ZKSCAN2: variants seen among roughly 807,000 people sequenced by gnomAD.
The protein encoded by ZKSCAN2 is zinc finger protein with KRAB and SCAN domains 2.
ZKSCAN2 carries 38 observed loss-of-function variants against 90.5 expected under a neutral mutation model. That is an observed-to-expected ratio of 0.42 (90% confidence interval 0.32 to 0.55). The LOEUF (loss-of-function observed/expected upper bound fraction) is 0.55, where lower values mean the gene tolerates loss of function less well. Ranked by LOEUF, ZKSCAN2 falls within the 20% of genes least tolerant of loss-of-function variation. ZKSCAN2 has a pLI of 0.11. For missense variants in ZKSCAN2, 1,167 were observed against 1,202.6 expected, an observed-to-expected ratio of 0.97 and a Z score of 0.44; for synonymous variants, 429 against 421.6, an observed-to-expected ratio of 1.02 and a Z score of -0.22.
chr16:25,246,948 G>A lies in ZKSCAN2; in HGVS notation c.1248C>T (p.Cys416=), dbSNP rs61730234. The change falls in exon 5 of 7, where the codon TGC becomes TGT. Residue 416 remains cysteine, a synonymous_variant. Coordinates refer to ENST00000328086, the MANE Select transcript of ZKSCAN2 (RefSeq NM_001012981.5). Reference sequence around the variant, plus strand: ...AAGCATCCATGTCCTCAAAGAAGGCGCAGGGTTCTAGCATGTGGCCATTTC... The same window carrying A: ...AAGCATCCATGTCCTCAAAGAAGGCACAGGGTTCTAGCATGTGGCCATTTC... ...KVRNGHMLEP[C]AFFEDMDALL... 0.013 allele frequency: 21,382 copies of A among 1,614,166 alleles called. 216 individuals are homozygous for A. The highest frequency in any genetic ancestry group is 0.016 in the Non-Finnish European group (18,398 of 1,180,030).
chr16:25,256,932 G>A lies in ZKSCAN2; in HGVS notation c.196C>T (p.Leu66Phe), dbSNP rs1266723003. 1.2e-6 allele frequency: 2 copies of A among 1,614,220 alleles called. No individual in the cohort carries two copies. Among genetic ancestry groups the A allele is most frequent in the Non-Finnish European group, 1.7e-6 (2 of 1,180,038 alleles). The change falls in exon 1 of 7, where the codon CTC (leucine) becomes TTC (phenylalanine). Residue 66 changes from leucine (L) to phenylalanine (F), a missense_variant. By Grantham distance (22) the Leu-to-Phe change is conservative. Transcript: ENST00000328086. Reference protein sequence around the residue: ...VTGPHEAFSKLWELCCRWLKP... With the variant: ...VTGPHEAFSKFWELCCRWLKP... ...AGCCACCGGCAGCAAAGTTCCCAGAGTTTACTGAAAGCTTCATGGGGTCCA... is the reference window on the plus strand; with the variant it reads ...AGCCACCGGCAGCAAAGTTCCCAGAATTTACTGAAAGCTTCATGGGGTCCA...
chr16:25,255,270 G>A lies in ZKSCAN2; in HGVS notation c.522C>T (p.Ser174=), dbSNP rs1963081306. The part of the protein sequence containing the change: ...PRAVSREEPG[S]LHSGHQEQLN... Reference sequence around the variant, plus strand: ...GCTGTTCCTGGTGTCCTGAGTGGAGGCTTCCAGGTTCCTCCCGAGACACCG... The same window carrying A: ...GCTGTTCCTGGTGTCCTGAGTGGAGACTTCCAGGTTCCTCCCGAGACACCG... The change falls in exon 2 of 7, where the codon AGC becomes AGT. Residue 174 remains serine, a synonymous_variant. Coordinates refer to ENST00000328086, the MANE Select transcript of ZKSCAN2 (RefSeq NM_001012981.5). 1 of 1,613,286 alleles carries A rather than the reference G, an allele frequency of 6.2e-7. No individual in the cohort carries two copies. Among genetic ancestry groups the A allele is most frequent in the African/African-American group, 1.3e-5 (1 of 74,852 alleles).
rs190068000 is a variant in ZKSCAN2 at position 25,250,231 on chromosome 16, C to T, written c.805+1678G>A. Among the ~76,000 whole-genome samples, 66 of 152,258 alleles carry T rather than the reference C, an allele frequency of 4.3e-4. 1 individual carries two copies. In the East Asian group the frequency reaches 0.01, roughly 24 times the overall value. On this transcript the variant is annotated intron_variant, in intron 4 of 6. Coordinates refer to ENST00000328086, the MANE Select transcript of ZKSCAN2 (RefSeq NM_001012981.5). ...GGCTGAGGCAGGAGAATCGCTTGAACCCAGGAGGCAGAGGTTGCAGCGAGC... is the reference window on the plus strand; with the variant it reads ...GGCTGAGGCAGGAGAATCGCTTGAATCCAGGAGGCAGAGGTTGCAGCGAGC...
At chr16:25,246,531 T>C (rs1268233145) in intron 5 of ZKSCAN2, 176 bp downstream of exon 5, 3 of 648,468 alleles carry the variant, frequency 4.6e-6, no homozygotes, top group Middle Eastern at 3.7e-4. Flanking sequence ...TTACTCTGAC[T>C]GCAATGGGGG....
chr16:25,249,123 A>AAGC (rs1962980726), intron 4 of ZKSCAN2, among the ~76,000 whole-genome samples: 1 of 152,164 alleles, frequency 6.6e-6, no homozygotes, highest in African/African-American at 2.4e-5. Context: ...TGGTTACCAG[A>AAGC]AGCTGGGGGA....
Position 25,257,561 on chromosome 16 carries a change from G to A in ZKSCAN2, c.-434C>T, listed in dbSNP as rs1002961973. On this transcript the variant is annotated 5_prime_UTR_variant, in exon 1 of 7. Transcript: ENST00000328086. The stretch of plus-strand genomic sequence containing the variant: ...CCGAGTGGGTGGGGCCGGATGTGCA[G>A]GCCCCGCCCGGCGCCAGGTTCCGGG... The A allele has an allele frequency of 1.6e-5, 15 of 964,862 alleles. No individual in the cohort carries two copies. Among genetic ancestry groups the A allele is most frequent in the Non-Finnish European group, 2.5e-6 (2 of 811,140 alleles). The allele number at this position is 964,862 out of a possible 1,614,324, so 59.8% of individuals were successfully genotyped here.
rs988950462 is a variant in ZKSCAN2 at position 25,243,946 on chromosome 16, C to G, written c.1820G>C (p.Gly607Ala). 9 of 1,614,022 alleles carry G rather than the reference C, an allele frequency of 5.6e-6. No individual in the cohort carries two copies. In the Admixed American group the frequency reaches 1.2e-4, roughly 21 times the overall value. The change falls in exon 6 of 7, where the codon GGG becomes GCG. Residue 607 changes from glycine to alanine, a missense_variant. Transcript: ENST00000328086. ...TTCCTGGGGTTCAACCTCAATACCC[C>G]CTCTTTCTTGCCTTGAAGGTGATGG... ...EVPSPSRQER[G>A]GIEVEPQEPT...
At chr16:25,250,589 G>T (rs1963006344) in intron 4 of ZKSCAN2, among the ~76,000 whole-genome samples, 1 of 152,066 alleles carries the variant, frequency 6.6e-6, no homozygotes, top group Non-Finnish European at 1.5e-5. Context: ...CTTGAAATTT[G>T]CTGAGAGTGT....
chr16:25,252,915 C>A (rs1236482874), intron 3 of ZKSCAN2, 31 bp downstream of exon 3: 1 of 1,578,006 alleles, frequency 6.3e-7, no homozygotes, highest in East Asian at 2.2e-5. Flanking sequence ...GAGACTCCAT[C>A]TCAAAGAAAA....
rs530698997 is a variant in ZKSCAN2 at position 25,257,375 on chromosome 16, T to C, written c.-248A>G. ...AACAAGATGTGACCGCGCAATGTGG[T>C]TTTCCAGAGTGCATCCCTCTTAGTG... On this transcript the variant is annotated 5_prime_UTR_variant, in exon 1 of 7. Coordinates refer to ENST00000328086, the MANE Select transcript of ZKSCAN2 (RefSeq NM_001012981.5). 63 of 1,239,246 alleles carry C rather than the reference T, an allele frequency of 5.1e-5. No individual in the cohort carries two copies. In the African/African-American group the frequency reaches 8.8e-4, roughly 17 times the overall value. The allele number at this position is 1,239,246 out of a possible 1,614,324, so 76.8% of individuals were successfully genotyped here.
chr16:25,246,449 A>G, intron 5 of ZKSCAN2: 2 of 529,228 alleles, frequency 3.8e-6, no homozygotes, highest in Non-Finnish European at 6.8e-6. Context: ...TTCCTTCCAC[A>G]AGGACCCAAA....
rs1169835777 is a variant in ZKSCAN2, at chr16:25,239,153, G to A, written c.*663C>T. 1 of 152,426 alleles carries A rather than the reference G, an allele frequency of 6.6e-6. No individual in the cohort carries two copies. Among genetic ancestry groups the A allele is most frequent in the Non-Finnish European group, 1.5e-5 (1 of 68,092 alleles). The allele number at this position is 152,426 out of a possible 1,614,324, so 9.4% of individuals were successfully genotyped here. On this transcript the variant is annotated 3_prime_UTR_variant, in exon 7 of 7. Transcript: ENST00000328086. ...ATTTAAGTCTTCGGGTACAGAAAAGGATGAGGGGTGATCAATTGCTTCTCA... is the reference window on the plus strand; with the variant it reads ...ATTTAAGTCTTCGGGTACAGAAAAGAATGAGGGGTGATCAATTGCTTCTCA...
In ZKSCAN2 at chr16:25,236,185, A is replaced by G. The variant is rs923414381; in HGVS notation, c.*3631T>C. 3.9e-5 allele frequency: 6 copies of G among 152,238 alleles called. No homozygotes were observed. Among genetic ancestry groups the G allele is most frequent in the African/African-American group, 1.4e-4 (6 of 41,456 alleles). The allele number at this position is 152,238 out of a possible 1,614,324, so 9.4% of individuals were successfully genotyped here. A position where few individuals can be genotyped will look rare whatever the true frequency, so the allele number is the denominator to read the frequency against. The stretch of plus-strand genomic sequence containing the variant: ...AAGTTACTCAGACATTCCTTTAGCC[A>G]GGGCTGCCCCAGCTCCCTCACAGCT... On this transcript the variant is annotated 3_prime_UTR_variant, in exon 7 of 7. Coordinates refer to ENST00000328086, the MANE Select transcript of ZKSCAN2 (RefSeq NM_001012981.5).
Position 25,255,324 on chromosome 16 carries a change from C to A in ZKSCAN2, c.468G>T (p.Gln156His). ...TGGGTTGGGTCTCCACCTGCTCTGG[C>A]TGGAAGTCTGCCACCTCCCACGCTG... ...LGAAWEVADF[Q>H]PEQVETQPRA... The change falls in exon 2 of 7, where the codon CAG becomes CAT. Residue 156 changes from glutamine (Q) to histidine (H), a missense_variant. Gln to His is a conservative substitution (Grantham distance 24). Transcript: ENST00000328086. 2 of 1,613,800 alleles carry A rather than the reference C, an allele frequency of 1.2e-6. No homozygotes were observed.
In ZKSCAN2 at chr16:25,244,289, G is replaced by A. The variant is rs1334349492; in HGVS notation, c.1490-13C>T. The A allele has an allele frequency of 6.2e-7, 1 of 1,606,104 alleles. No individual in the cohort carries two copies. The highest frequency in any genetic ancestry group is 1.1e-5 in the South Asian group (1 of 90,564). ...CCCCAGTGCACGCCTGCCATTTGGG[G>A]ATAAAGTTCACAATGTAACAAAGAA... On this transcript the variant is annotated splice_polypyrimidine_tract_variant and intron_variant, in intron 5 of 6. Coordinates refer to ENST00000328086, the MANE Select transcript of ZKSCAN2 (RefSeq NM_001012981.5).
Position 25,244,355 on chromosome 16 carries a change from T to C in ZKSCAN2, c.1490-79A>G, listed in dbSNP as rs192144827. The stretch of plus-strand genomic sequence containing the variant: ...TCTATACTATATACATTAAGAAATG[T>C]AGAGGTAAAAAAAAATCCCATTCAC... On this transcript the variant is annotated intron_variant, in intron 5 of 6. Coordinates refer to ENST00000328086, the MANE Select transcript of ZKSCAN2 (RefSeq NM_001012981.5). 54 of 1,478,752 alleles carry C rather than the reference T, an allele frequency of 3.7e-5. 1 individual carries two copies. The East Asian group carries it at 1.1e-3, about 29-fold the overall frequency. 91.6% of individuals were successfully genotyped at this position (1,478,752 alleles called of 1,614,324 possible).
Position 25,247,262 on chromosome 16 carries a change from G to C in ZKSCAN2, c.934C>G (p.His312Asp), listed in dbSNP as rs1443972637. 1.2e-6 allele frequency: 2 copies of C among 1,614,044 alleles called. No homozygotes were observed. Among genetic ancestry groups the C allele is most frequent in the Non-Finnish European group, 1.7e-6 (2 of 1,180,042 alleles). Residue 312 changes from histidine (H) to aspartate (D), a missense_variant, in exon 5 of 7, where the codon CAT (histidine) becomes GAT (aspartate). His to Asp is a moderately conservative substitution (Grantham distance 81). Coordinates refer to ENST00000328086, the MANE Select transcript of ZKSCAN2 (RefSeq NM_001012981.5). ...CTCCTTGCAGGGACCTGAATAGCAT[G>C]AACTGACTTTTCCTTGACGTAGTTG... ...RSNYVKEKSV[H>D]AIQVPARSAG...
rs752767319 is a variant in ZKSCAN2, at chr16:25,240,221, G to A, written c.2499C>T (p.Cys833=). 7 of 1,613,994 alleles carry A rather than the reference G, an allele frequency of 4.3e-6. No individual in the cohort carries two copies. Among genetic ancestry groups the A allele is most frequent in the East Asian group, 4.5e-5 (2 of 44,884 alleles). ...RIHTGEKPYR[C]GECGKCFSQS... is the part of the protein sequence containing the mutation. ...GACTAAAGCATTTTCCACACTCTCC[G>A]CATCTGTAGGGTTTCTCTCCTGTGT... The change falls in exon 7 of 7, where the codon TGC becomes TGT. Residue 833 remains cysteine, a synonymous_variant. Coordinates refer to ENST00000328086, the MANE Select transcript of ZKSCAN2 (RefSeq NM_001012981.5).
rs1962946922 is a variant in ZKSCAN2 at position 25,247,196 on chromosome 16, C to T, written c.1000G>A (p.Glu334Lys). The change falls in exon 5 of 7, where the codon GAA (glutamate) becomes AAA (lysine). Residue 334 changes from glutamate to lysine, a missense_variant. Glu to Lys is a moderately conservative substitution (Grantham distance 56). Coordinates refer to ENST00000328086, the MANE Select transcript of ZKSCAN2 (RefSeq NM_001012981.5). ...TGCACACCTGCTATCTTTTCATCTTCTAAACCCCACTGCTGCTGCTCTCTC... is the reference window on the plus strand; with the variant it reads ...TGCACACCTGCTATCTTTTCATCTTTTAAACCCCACTGCTGCTGCTCTCTC... ...TWREQQQWGLEDEKIAGVHWS... is the reference protein window; with the variant it reads ...TWREQQQWGLKDEKIAGVHWS... 3.7e-6 allele frequency: 6 copies of T among 1,614,234 alleles called. No homozygotes were observed. The highest frequency in any genetic ancestry group is 5.1e-6 in the Non-Finnish European group (6 of 1,180,038).
Sources: gnomAD v4.1 joint callset for allele counts (sites outside exome capture counted in the v4.1 genomes callset) on GRCh38, gnomAD v4.1.1 for gene constraint, MANE v1.5 for transcripts, NCBI Gene and HGNC (gene_info 2026-07-23, HGNC 2026-07-21) for gene names.